EXOC6B: variants seen among roughly 807,000 people sequenced by gnomAD.
EXOC6B encodes exocyst complex component 6B.
In EXOC6B, 54 loss-of-function variants were observed where a neutral mutation model predicts 113.5. That is an observed-to-expected ratio of 0.48 (90% CI 0.38 to 0.60). The LOEUF is 0.60. EXOC6B is among the 20% of genes least tolerant of loss of function. EXOC6B has a pLI of 0.00. For missense variants in EXOC6B, 797 were observed against 977.5 expected, an observed-to-expected ratio of 0.82 and a Z score of 2.46; for synonymous variants, 357 against 339.0, an observed-to-expected ratio of 1.05 and a Z score of -0.58.
rs756012581 is a variant in EXOC6B, at chr2:72,802,999, G to A, written c.113+22799C>T. The stretch of plus-strand genomic sequence containing the variant: ...TCTTAAGATGAATTCAAAACGTGGT[G>A]ATCTGAAAGACCAATTTAAACTCCT... On this transcript the variant is annotated intron_variant, in intron 1 of 21. Transcript: ENST00000272427. Among the ~76,000 whole-genome samples, 37 of 152,178 alleles carry A rather than the reference G, an allele frequency of 2.4e-4. 1 individual carries two copies. Among genetic ancestry groups the A allele is most frequent in the Admixed American group, 2.4e-3 (36 of 15,272 alleles).
intron 7 of EXOC6B, among the ~76,000 whole-genome samples, chr2:72,574,284 C>T (rs1006972311): frequency 2.6e-5 from 4 of 152,040 alleles, no homozygotes; most frequent in African/African-American, 4.8e-5. Context: ...ATAATAGAGG[C>T]AGGCATAATG....
intron 16 of EXOC6B, among the ~76,000 whole-genome samples, chr2:72,483,906 A>T (rs1163983272): frequency 6.6e-6 from 1 of 152,182 alleles, no homozygotes; most frequent in Non-Finnish European, 1.5e-5. Flanking sequence ...TGTCCTAAAC[A>T]TTATTTCAAG....
intron 5 of EXOC6B, among the ~76,000 whole-genome samples, chr2:72,721,413 A>T (rs1369234443): frequency 3.0e-5 from 4 of 132,980 alleles, no homozygotes; most frequent in African/African-American, 1.1e-4. Flanking sequence ...TCACAAAAGA[A>T]CCAAAAAGGG....
At chr2:72,391,440 G>A (rs1466113859) in intron 18 of EXOC6B, among the ~76,000 whole-genome samples, 1 of 152,000 alleles carries the variant, frequency 6.6e-6, no homozygotes, top group African/African-American at 2.4e-5. Flanking sequence ...CCATGAATGT[G>A]TCCTTGTTCT....
At chr2:72,474,049 G>GTT (rs537765320) in intron 17 of EXOC6B, among the ~76,000 whole-genome samples, 1 of 144,976 alleles carries the variant, frequency 6.9e-6, no homozygotes, top group Non-Finnish European at 1.5e-5. Context: ...TGCCCAACAT[G>GTT]TTTTTTTTTT....
chr2:72,514,038 T>C (rs192000229), intron 10 of EXOC6B, among the ~76,000 whole-genome samples: 1 of 152,172 alleles, frequency 6.6e-6, no homozygotes, highest in Non-Finnish European at 1.5e-5. Context: ...ATTGGGATGT[T>C]TATTTGGGAA....
chr2:72,558,234 T>TA (rs749667540), intron 8 of EXOC6B, among the ~76,000 whole-genome samples: 2,023 of 150,068 alleles, frequency 0.013, 23 homozygotes, highest in Middle Eastern at 0.021. Flanking sequence ...ACCACCTATT[T>TA]AAAAAAAAAC....
intron 8 of EXOC6B, among the ~76,000 whole-genome samples, chr2:72,546,310 G>A (rs1229571488): frequency 7.2e-5 from 11 of 152,136 alleles, no homozygotes; most frequent in African/African-American, 2.4e-4. Context: ...CTAGCCAGAC[G>A]TGGTGGCACG....
chr2:72,306,242 ATAT>A (rs1390347618), intron 20 of EXOC6B, among the ~76,000 whole-genome samples: 2 of 152,356 alleles, frequency 1.3e-5, no homozygotes, highest in Admixed American at 6.5e-5. Flanking sequence ...TTATAATAAA[ATAT>A]TCTCATTTCA....
intron 17 of EXOC6B, among the ~76,000 whole-genome samples, chr2:72,477,649 A>C (rs1007708420): frequency 6.6e-6 from 1 of 152,240 alleles, no homozygotes; most frequent in African/African-American, 2.4e-5. Context: ...TCAGAATACA[A>C]TGTACAGTAT....
At chr2:72,549,122 C>T (rs1418556243) in intron 8 of EXOC6B, among the ~76,000 whole-genome samples, 1 of 151,960 alleles carries the variant, frequency 6.6e-6, no homozygotes, top group African/African-American at 2.4e-5. Context: ...GAACTGGAAG[C>T]ATTTTAGTAT....
At chr2:72,435,413 T>C (rs1695792669) in intron 18 of EXOC6B, among the ~76,000 whole-genome samples, 1 of 152,218 alleles carries the variant, frequency 6.6e-6, no homozygotes, top group African/African-American at 2.4e-5. Context: ...TGTAGATGTC[T>C]ATTAGGTCTG....
chr2:72,503,366 C>T (rs369529456), intron 11 of EXOC6B, among the ~76,000 whole-genome samples: 1 of 152,190 alleles, frequency 6.6e-6, no homozygotes, highest in East Asian at 1.9e-4. Flanking sequence ...CTCCATCTCC[C>T]AACCCCCAGG....
intron 6 of EXOC6B, among the ~76,000 whole-genome samples, chr2:72,672,045 G>T (rs1303885102): frequency 6.6e-6 from 1 of 151,946 alleles, no homozygotes; most frequent in Non-Finnish European, 1.5e-5. Context: ...GGAATAGCAG[G>T]GTGCTGGCAA....
intron 20 of EXOC6B, among the ~76,000 whole-genome samples, chr2:72,186,537 A>AT (rs923269034): frequency 6.5e-4 from 82 of 126,634 alleles, no homozygotes; most frequent in African/African-American, 2.7e-3. Flanking sequence ...TTTTTCACAA[A>AT]TAAAAAAAAA....
chr2:72,711,636 T>C lies in EXOC6B; in HGVS notation c.669+6467A>G, dbSNP rs535360516. Among the ~76,000 whole-genome samples the C allele has an allele frequency of 2.6e-5, 4 of 152,180 alleles. No individual in the cohort carries two copies. The South Asian group carries it at 8.3e-4, about 32-fold the overall frequency. On this transcript the variant is annotated intron_variant, in intron 6 of 21. Coordinates refer to ENST00000272427, the MANE Select transcript of EXOC6B (RefSeq NM_015189.3). ...GGAAGAGATTAACCACAATAAATAATAATAAATGATAAAATAGAACAATTA... is the reference window on the plus strand; with the variant it reads ...GGAAGAGATTAACCACAATAAATAACAATAAATGATAAAATAGAACAATTA...
At chr2:72,645,474 G>A (rs1402308481) in intron 6 of EXOC6B, among the ~76,000 whole-genome samples, 3 of 151,982 alleles carry the variant, frequency 2.0e-5, no homozygotes, top group African/African-American at 7.3e-5. Context: ...CACCCCAAAT[G>A]AGCAGAATAT....
intron 6 of EXOC6B, among the ~76,000 whole-genome samples, chr2:72,605,888 T>G (rs1234218284): frequency 2.0e-5 from 3 of 152,180 alleles, no homozygotes; most frequent in Non-Finnish European, 4.4e-5. Flanking sequence ...CAATCTAGTA[T>G]CATAAAGATA....
intron 6 of EXOC6B, among the ~76,000 whole-genome samples, chr2:72,598,212 A>C (rs1670196920): frequency 6.6e-6 from 1 of 152,002 alleles, no homozygotes; most frequent in Admixed American, 6.6e-5. Flanking sequence ...TAAAGAATAG[A>C]AATCAAAAGA....
Sources: allele counts gnomAD v4.1 joint callset (sites outside exome capture counted in the v4.1 genomes callset), GRCh38; gene constraint gnomAD v4.1.1; transcripts MANE v1.5; gene names NCBI Gene and HGNC (gene_info 2026-07-23, HGNC 2026-07-21).